Variants in UHRF1 observed in about 807,000 individuals in gnomAD.
The protein encoded by UHRF1 is E3 ubiquitin-protein ligase UHRF1.
A neutral mutation model predicts 96.5 loss-of-function variants in UHRF1; 9 were observed. The observed-to-expected ratio is 0.09, with a 90% confidence interval of 0.06 to 0.16. UHRF1 has a LOEUF of 0.16. Ranked by LOEUF, UHRF1 falls within the 10% of genes least tolerant of loss-of-function variation. UHRF1 has a pLI of 1.00. For missense variants in UHRF1, 626 were observed against 1,131.1 expected (o/e 0.55, Z 6.40); for synonymous variants, 455 against 469.9 (o/e 0.97, Z 0.41).
intron 2 of UHRF1, among the ~76,000 whole-genome samples, chr19:4,919,555 G>T (rs559166102): frequency 1.2e-4 from 18 of 152,090 alleles, no homozygotes; most frequent in African/African-American, 4.3e-4. Flanking sequence ...ACCCGCCTCC[G>T]CCTCCCAAAG....
upstream of UHRF1, among the ~76,000 whole-genome samples, chr19:4,907,258 CA>C (rs1228011619): frequency 2.0e-5 from 3 of 151,824 alleles, no homozygotes; most frequent in East Asian, 5.8e-4. Context: ...TATAGGCACA[CA>C]CCACCCTGCC....
Position 4,941,860 on chromosome 19 carries a change from T to A in UHRF1, c.1002T>A (p.Asp334Glu). ...ACCCCGACAAGCAGCTCATGTGCGA[T>A]GAGTGCGACATGGCCTTCCACATCT... ...RQDPDKQLMCDECDMAFHIYC... is the reference protein window; with the variant it reads ...RQDPDKQLMCEECDMAFHIYC... The change falls in exon 7 of 17, where the codon GAT becomes GAA. Residue 334 changes from aspartate to glutamate, a missense_variant. Around this residue, in one of 11 missense-constraint regions of UHRF1, gnomAD observed 69 missense variants for 159.8 expected, o/e 0.43. Coordinates refer to ENST00000650932, the MANE Select transcript of UHRF1 (RefSeq NM_001048201.3). 1 of 1,570,090 alleles carries A rather than the reference T, an allele frequency of 6.4e-7. No individual in the cohort carries two copies. Among genetic ancestry groups the A allele is most frequent in the Non-Finnish European group, 8.6e-7 (1 of 1,159,280 alleles).
upstream of UHRF1, among the ~76,000 whole-genome samples, chr19:4,907,868 A>G (rs1250172883): frequency 6.6e-6 from 1 of 151,788 alleles, no homozygotes; most frequent in East Asian, 1.9e-4. Flanking sequence ...ATGTGCCACC[A>G]CGCCAGGCTA....
At chr19:4,952,418 CAG>C (rs2033743735) in intron 13 of UHRF1, among the ~76,000 whole-genome samples, 1 of 79,980 alleles carries the variant, frequency 1.3e-5, no homozygotes, top group Non-Finnish European at 2.3e-5. Flanking sequence ...TTTTTGGAGA[CAG>C]AGTCTCACTC....
At chr19:4,940,704 ACT>A (rs2033366778) in intron 5 of UHRF1, among the ~76,000 whole-genome samples, 1 of 134,760 alleles carries the variant, frequency 7.4e-6, no homozygotes, top group Non-Finnish European at 1.6e-5. Context: ...ATGGAGTCTC[ACT>A]CTGTCGCCCA....
chr19:4,948,043 G>A (rs1041828648), intron 11 of UHRF1, among the ~76,000 whole-genome samples: 15 of 149,692 alleles, frequency 1.0e-4, no homozygotes, highest in South Asian at 4.2e-4. Context: ...GGTTGAGGCC[G>A]CAGTGGGCTG....
intron 13 of UHRF1, among the ~76,000 whole-genome samples, chr19:4,952,383 C>A (rs369816873): frequency 7.3e-6 from 1 of 136,458 alleles, no homozygotes; most frequent in Non-Finnish European, 1.6e-5. Flanking sequence ...CGTAAGCCAC[C>A]GCTCCCAGCC....
intron 5 of UHRF1, 56 bp downstream of exon 5, chr19:4,933,012 G>A: frequency 1.3e-6 from 2 of 1,517,008 alleles, no homozygotes; most frequent in Non-Finnish European, 1.8e-6. Context: ...CCCTCCCGGG[G>A]CCCCCGGACT....
At chr19:4,929,077 C>T (rs2032963305) in intron 2 of UHRF1, 145 bp from the exon 3 acceptor site, 2 of 1,190,428 alleles carry the variant, frequency 1.7e-6, no homozygotes, top group Non-Finnish European at 2.3e-6. Flanking sequence ...CCTGGCATGG[C>T]CCAGGTATCA....
intron 1 of UHRF1, chr19:4,910,459 TC>T (rs1456406017): frequency 6.5e-6 from 1 of 154,274 alleles, no homozygotes; most frequent in African/African-American, 2.4e-5. Context: ...CTTCTGAAGT[TC>T]CGGCCCGCGC....
chr19:4,933,702 G>A (rs79136298), intron 5 of UHRF1, among the ~76,000 whole-genome samples: 1 of 152,046 alleles, frequency 6.6e-6, no homozygotes, highest in Non-Finnish European at 1.5e-5. Flanking sequence ...AAACATACAC[G>A]CCAAACCACA....
intron 13 of UHRF1, among the ~76,000 whole-genome samples, chr19:4,952,690 T>C (rs1158678886): frequency 2.0e-5 from 3 of 152,042 alleles, no homozygotes; most frequent in Non-Finnish European, 4.4e-5. Context: ...CCAGGATTTT[T>C]TTTTTTTTTA....
intron 5 of UHRF1, among the ~76,000 whole-genome samples, chr19:4,938,630 C>T (rs954541306): frequency 1.3e-5 from 2 of 150,310 alleles, no homozygotes; most frequent in African/African-American, 2.4e-5. Flanking sequence ...TGGCTTCAAG[C>T]GATCCTGACC....
At chr19:4,915,770 C>G (rs1168604267) in intron 2 of UHRF1, among the ~76,000 whole-genome samples, 1 of 152,012 alleles carries the variant, frequency 6.6e-6, no homozygotes, top group Admixed American at 6.6e-5. Flanking sequence ...AGAATTGTCC[C>G]CGTGGACATA....
chr19:4,923,117 C>G (rs2032754622), intron 2 of UHRF1, among the ~76,000 whole-genome samples: 2 of 152,192 alleles, frequency 1.3e-5, no homozygotes, highest in Non-Finnish European at 2.9e-5. Context: ...GACCACAGCC[C>G]TTGCCCCCCT....
chr19:4,928,280 G>T (rs994447338), intron 2 of UHRF1, among the ~76,000 whole-genome samples: 2 of 152,024 alleles, frequency 1.3e-5, no homozygotes, highest in African/African-American at 4.8e-5. Flanking sequence ...GCAGTGCCGG[G>T]GGAGAGGAAC....
intron 11 of UHRF1, 21 bp from the exon 12 acceptor site, chr19:4,950,590 G>T: frequency 6.2e-7 from 1 of 1,607,302 alleles, no homozygotes; most frequent in South Asian, 1.1e-5. Flanking sequence ...ATAATGCGTG[G>T]GGTCCTGACT....
chr19:4,958,893 T>TA (rs1399671216), intron 16 of UHRF1, among the ~76,000 whole-genome samples: 1 of 148,364 alleles, frequency 6.7e-6, no homozygotes, highest in Non-Finnish European at 1.5e-5. Context: ...ACCTGGGAGG[T>TA]ACAGGTTGCG....
In UHRF1 at chr19:4,909,686, C is replaced by T. The variant is rs933772868; in HGVS notation, c.-11+31C>T. 4.1e-5 allele frequency: 21 copies of T among 511,600 alleles called. 1 individual carries two copies. The highest frequency in any genetic ancestry group is 3.4e-6 in the Non-Finnish European group (1 of 293,068). The allele number at this position is 511,600 out of a possible 1,614,324, so 31.7% of individuals were successfully genotyped here. ...CGGGCGGGCCGGGTCGGGGTGCCAG[C>T]CCGGGCCGGGCGCACGGGGCTCGGG... On this transcript the variant is annotated intron_variant, in intron 1 of 16. Coordinates refer to ENST00000650932, the MANE Select transcript of UHRF1 (RefSeq NM_001048201.3).
Sources: allele counts gnomAD v4.1 joint callset (sites outside exome capture counted in the v4.1 genomes callset), GRCh38; gene constraint gnomAD v4.1.1; regional missense constraint gnomAD v4.1.1; transcripts MANE v1.5; gene names NCBI Gene and HGNC (gene_info 2026-07-23, HGNC 2026-07-21).